FMNL3: variants seen among roughly 807,000 people sequenced by gnomAD.
The protein encoded by FMNL3 is formin like 3, also known as formin-like protein 3.
In FMNL3, 57 loss-of-function variants were observed where a neutral mutation model predicts 119.6. The ratio of observed to expected loss-of-function variants is 0.48; its 90% CI spans 0.39 to 0.59. The LOEUF is 0.59. Ranked by LOEUF, FMNL3 falls within the 20% of genes least tolerant of loss-of-function variation. FMNL3 has a pLI of 0.00. For missense variants in FMNL3, 1,053 were observed against 1,323.5 expected, an observed-to-expected ratio of 0.80 and a Z score of 3.17; for synonymous variants, 491 against 507.3, an observed-to-expected ratio of 0.97 and a Z score of 0.43.
chr12:49,652,558 G>A (rs1410872084), intron 13 of FMNL3, among the ~76,000 whole-genome samples: 2 of 152,040 alleles, frequency 1.3e-5, no homozygotes, highest in African/African-American at 4.8e-5. Flanking sequence ...ATAACCCTTT[G>A]GGCCTCATTT....
Position 49,656,737 on chromosome 12 carries a change from CA to C in FMNL3, c.791+85del. ...AAGGCTCTTGACAGGACTCCAAGGC[CA>C]GGCAGAACTTGTCAGGAATACATGG... On this transcript the variant is annotated intron_variant, in intron 8 of 25. Coordinates refer to ENST00000335154, the MANE Select transcript of FMNL3 (RefSeq NM_175736.5). 3 of 1,334,356 alleles carry C rather than the reference CA, an allele frequency of 2.2e-6. No homozygotes were observed. In the South Asian group the frequency reaches 3.8e-5, roughly 17 times the overall value. The allele number at this position is 1,334,356 out of a possible 1,614,324, so 82.7% of individuals were successfully genotyped here.
chr12:49,652,379 A>C (rs1943432132), intron 13 of FMNL3, 167 bp from the exon 14 acceptor site: 1 of 1,345,710 alleles, frequency 7.4e-7, no homozygotes, highest in Non-Finnish European at 9.8e-7. Context: ...GCTGGAAGGC[A>C]GCAAAACAAA....
intron 1 of FMNL3, among the ~76,000 whole-genome samples, chr12:49,673,749 T>TCCACCCAGC (rs1381382027): frequency 1.3e-5 from 2 of 152,222 alleles, no homozygotes; most frequent in Non-Finnish European, 1.5e-5. Context: ...GGAGTCCTCC[T>TCCACCCAGC]CCACCCAGCC....
chr12:49,661,573 A>G (rs1437369694), intron 5 of FMNL3, among the ~76,000 whole-genome samples: 3 of 152,202 alleles, frequency 2.0e-5, no homozygotes, highest in Non-Finnish European at 4.4e-5. Context: ...TCACATCTGG[A>G]AACCCAAAGT....
chr12:49,706,981 A>C lies in FMNL3; in HGVS notation c.126+74T>G, dbSNP rs377198423. 3,056 of 1,499,770 alleles carry C rather than the reference A, an allele frequency of 2.0e-3. 30 individuals are homozygous for C. Among genetic ancestry groups the C allele is most frequent in the South Asian group, 0.012 (984 of 81,592 alleles). The allele number at this position is 1,499,770 out of a possible 1,614,324, so 92.9% of individuals were successfully genotyped here. A position where few individuals can be genotyped will look rare whatever the true frequency, so the allele number is the denominator to read the frequency against. ...GAAAGGGTGGGCGGGACGGGGGCCC[A>C]GCACAAAGTCCCAGCCCGGGCGTCG... On this transcript the variant is annotated intron_variant, in intron 1 of 25. Transcript: ENST00000335154.
At chr12:49,655,040 C>T in intron 9 of FMNL3, 56 bp from the exon 10 acceptor site, 1 of 1,532,874 alleles carries the variant, frequency 6.5e-7, no homozygotes, top group Non-Finnish European at 9.0e-7. Context: ...ACCCAAGCCC[C>T]TGCGCTCTGG....
At chr12:49,702,846 GA>G (rs562429087) in intron 1 of FMNL3, among the ~76,000 whole-genome samples, 1 of 152,172 alleles carries the variant, frequency 6.6e-6, no homozygotes, top group East Asian at 1.9e-4. Flanking sequence ...TGAGGGCTGG[GA>G]AAAAAATTTC....
At chr12:49,706,405 C>T (rs566878205) in intron 1 of FMNL3, among the ~76,000 whole-genome samples, 1 of 152,348 alleles carries the variant, frequency 6.6e-6, no homozygotes, top group African/African-American at 2.4e-5. Context: ...AGAAATACCC[C>T]AGTGAAATGG....
At position 49,643,072 on chromosome 12, in the gene FMNL3, A is replaced by C. The variant is rs1157592461; in HGVS notation, c.*2743T>G. On this transcript the variant is annotated 3_prime_UTR_variant, in exon 26 of 26. Transcript: ENST00000335154. ...GAAGCTGGGTTGTTTTGGGGAAATAAACACTTTGTTTTCCCCTTACAATAT... is the reference window on the plus strand; with the variant it reads ...GAAGCTGGGTTGTTTTGGGGAAATACACACTTTGTTTTCCCCTTACAATAT... 1 of 1,601,294 alleles carries C rather than the reference A, an allele frequency of 6.2e-7. No homozygotes were observed. Among genetic ancestry groups the C allele is most frequent in the African/African-American group, 1.3e-5 (1 of 74,544 alleles).
Position 49,643,160 on chromosome 12 carries a change from C to A in FMNL3, c.*2655G>T, listed in dbSNP as rs567191228. ...GGGTCCTCCTCCTCTCTCGAATTCC[C>A]AGACGAGGGCTTCTGGAGGGCAGAG... On this transcript the variant is annotated 3_prime_UTR_variant, in exon 26 of 26. Coordinates refer to ENST00000335154, the MANE Select transcript of FMNL3 (RefSeq NM_175736.5). The A allele has an allele frequency of 1.1e-5, 17 of 1,601,322 alleles. No individual in the cohort carries two copies. The African/African-American group carries it at 2.0e-4, about 19-fold the overall frequency.
chr12:49,684,696 G>C (rs569526771), intron 1 of FMNL3, among the ~76,000 whole-genome samples: 1 of 152,214 alleles, frequency 6.6e-6, no homozygotes, highest in African/African-American at 2.4e-5. Context: ...CAAGCCCAAA[G>C]GGAGCAATTC....
chr12:49,674,112 A>G (rs1264718565), intron 1 of FMNL3, among the ~76,000 whole-genome samples: 2 of 152,174 alleles, frequency 1.3e-5, no homozygotes, highest in Admixed American at 1.3e-4. Context: ...TTCGCTGCCA[A>G]CCTGGGGAGA....
At position 49,656,618 on chromosome 12, in the gene FMNL3, G is replaced by A. The variant is rs1454179268; in HGVS notation, c.792-121C>T. On this transcript the variant is annotated intron_variant, in intron 8 of 25. Transcript: ENST00000335154. ...AGAAAGCCTCAGTGGTGAGGAGAGA[G>A]GGTGGGAGAAAGAGGGCTTGCTCCC... 3 of 974,924 alleles carry A rather than the reference G, an allele frequency of 3.1e-6. No homozygotes were observed. The African/African-American group carries it at 4.9e-5, about 16-fold the overall frequency. 60.4% of individuals were successfully genotyped at this position (974,924 alleles called of 1,614,324 possible).
chr12:49,657,051 A>C (rs1943592688), intron 7 of FMNL3, 31 bp downstream of exon 7: 10 of 1,598,338 alleles, frequency 6.3e-6, no homozygotes, highest in Non-Finnish European at 7.7e-6. Context: ...CAGAAGAAGT[A>C]GAGCACCTAT....
chr12:49,658,047 A>G (rs1479042367), intron 6 of FMNL3, among the ~76,000 whole-genome samples: 1 of 152,188 alleles, frequency 6.6e-6, no homozygotes, highest in Non-Finnish European at 1.5e-5. Context: ...AAAGGGGCAG[A>G]GTGAAGAACT....
rs996948830 is a variant in FMNL3, at chr12:49,645,789, G to A, written c.*26C>T. 2.5e-6 allele frequency: 4 copies of A among 1,584,432 alleles called. No homozygotes were observed. The highest frequency in any genetic ancestry group is 2.7e-5 in the African/African-American group (2 of 72,738). ...TTGGACTTGTAGGACTCTGAGGGGT[G>A]AAGTGCTTCTGCCTCCGAGAGGGTC... is the stretch of plus-strand genomic sequence containing the variant. On this transcript the variant is annotated 3_prime_UTR_variant, in exon 26 of 26. Transcript: ENST00000335154.
At chr12:49,704,674 G>GCACTCCA (rs1245999257) in intron 1 of FMNL3, among the ~76,000 whole-genome samples, 1 of 128,988 alleles carries the variant, frequency 7.8e-6, no homozygotes, top group East Asian at 2.4e-4. Context: ...TCGTGCTGCC[G>GCACTCCA]CACTCCAGCC....
chr12:49,707,043 C>T lies in FMNL3; in HGVS notation c.126+12G>A. On this transcript the variant is annotated intron_variant, in intron 1 of 25. Coordinates refer to ENST00000335154, the MANE Select transcript of FMNL3 (RefSeq NM_175736.5). ...GCGGTACGCGGGGGAAGGGGCTGGG[C>T]TCAGCTCTCACCAGCACCAGGGCGA... 1.3e-6 allele frequency: 2 copies of T among 1,571,150 alleles called. No homozygotes were observed. The highest frequency in any genetic ancestry group is 1.2e-5 in the South Asian group (1 of 85,764).
intron 1 of FMNL3, among the ~76,000 whole-genome samples, chr12:49,695,928 C>T (rs1289879589): frequency 2.0e-5 from 3 of 151,952 alleles, no homozygotes; most frequent in African/African-American, 7.3e-5. Context: ...CCCAGATATT[C>T]CCCCAAGGAC....
Sources: gnomAD v4.1 joint callset for allele counts (sites outside exome capture counted in the v4.1 genomes callset) on GRCh38, gnomAD v4.1.1 for gene constraint, MANE v1.5 for transcripts, NCBI Gene and HGNC (gene_info 2026-07-23, HGNC 2026-07-21) for gene names.